The following MALAT1 variants were observed in gnomAD, a reference collection of about 807,000 sequenced individuals.
The protein encoded by MALAT1 is metastasis associated lung adenocarcinoma transcript 1, also known as hepcarcin.
intron 1 of MALAT1, chr11:65,498,618 G>A (rs370639284): frequency 1.9e-6 from 1 of 518,602 alleles, no homozygotes; most frequent in African/African-American, 1.9e-5. Flanking sequence ...CTGCAAGGCT[G>A]GGGCTCAGTT....
In MALAT1 at chr11:65,498,374, G is replaced by A. The variant is rs112733696; in HGVS notation, n.179-308G>A. 1.3e-4 allele frequency: 67 copies of A among 518,406 alleles called. 3 individuals carry two copies. The highest frequency in any genetic ancestry group is 9.2e-4 in the African/African-American group (48 of 52,066). The allele number at this position is 518,406 out of a possible 1,614,324, so 32.1% of individuals were successfully genotyped here. On this transcript the variant is annotated intron_variant and non_coding_transcript_variant, in intron 1 of 3. Coordinates refer to ENST00000619449, the Ensembl canonical transcript of MALAT1. ...ACTGGGGGGCCGCAGATCAGAGTGG[G>A]CCACTGGCAGCCAACGGCCCCCGGG...
intron 3 of MALAT1, chr11:65,504,111 T>G: frequency 1.9e-6 from 1 of 516,688 alleles, no homozygotes; most frequent in Non-Finnish European, 3.9e-6. Context: ...CCTGTGGGGT[T>G]TTAAAGAATT....
intron 3 of MALAT1, chr11:65,504,618 C>T (rs756188371): frequency 4.0e-5 from 21 of 518,722 alleles, no homozygotes; most frequent in Non-Finnish European, 7.7e-5. Flanking sequence ...TTGTTCATTT[C>T]TGGTGGTGGG....
At chr11:65,502,154 A>G (rs1381715692) in exon 3 of MALAT1, 7 of 516,940 alleles carry the variant, frequency 1.4e-5, no homozygotes, top group South Asian at 1.4e-5. Context: ...CCTTCAAAGT[A>G]TAGAGCTTTT....
chr11:65,499,123 C>G, exon 3 of MALAT1: 1 of 517,876 alleles, frequency 1.9e-6, no homozygotes, highest in South Asian at 1.4e-5. Flanking sequence ...AAGTTTTTTT[C>G]TCTTTGAAAG....
At chr11:65,503,561 T>C (rs1243978360) in exon 3 of MALAT1, 1 of 518,080 alleles carries the variant, frequency 1.9e-6, no homozygotes, top group African/African-American at 1.9e-5. Flanking sequence ...AATTTACATG[T>C]TGTGATGTAA....
At chr11:65,501,234 G>C (rs760810700) in exon 3 of MALAT1, 2 of 483,582 alleles carry the variant, frequency 4.1e-6, no homozygotes, top group African/African-American at 4.5e-5. Flanking sequence ...ATTTTTTTTT[G>C]TGGGGGTGGG....
exon 3 of MALAT1, chr11:65,502,728 G>A (rs768561745): frequency 1.4e-5 from 7 of 513,730 alleles, no homozygotes; most frequent in Non-Finnish European, 2.3e-5. Context: ...GAATTGATAA[G>A]TAAAGGCAGA....
chr11:65,504,270 G>A (rs749920359), intron 3 of MALAT1: 31 of 517,644 alleles, frequency 6.0e-5, no homozygotes, highest in African/African-American at 5.8e-4. Flanking sequence ...CTGGAATTTG[G>A]AGGGATGGGA....
intron 1 of MALAT1, chr11:65,498,107 C>T (rs531557326): frequency 1.9e-6 from 1 of 518,908 alleles, no homozygotes; most frequent in Admixed American, 1.9e-5. Context: ...ACAGAATCTG[C>T]AAAACAAAAA....
exon 3 of MALAT1, chr11:65,499,616 G>A (rs554795862): frequency 2.2e-6 from 1 of 448,656 alleles, no homozygotes; most frequent in South Asian, 1.6e-5. Context: ...GATTAATTGG[G>A]AGTGGTAGGA....
At chr11:65,503,120 G>C (rs1013679842) in exon 3 of MALAT1, 2 of 508,402 alleles carry the variant, frequency 3.9e-6, no homozygotes, top group Non-Finnish European at 7.9e-6. Flanking sequence ...GCCTCAGACA[G>C]GTATCTCTTC....
At chr11:65,499,552 T>C in exon 3 of MALAT1, 2 of 457,992 alleles carry the variant, frequency 4.4e-6, no homozygotes, top group Non-Finnish European at 8.7e-6. Context: ...CAGGGAGAAT[T>C]GCGTCATTTA....
At chr11:65,503,338 C>T (rs1565054605) in exon 3 of MALAT1, 1 of 518,796 alleles carries the variant, frequency 1.9e-6, no homozygotes, top group Non-Finnish European at 3.8e-6. Context: ...TCCATCGAGC[C>T]TTTTTAAAAT....
At chr11:65,498,820 C>T in intron 2 of MALAT1, 1 of 518,828 alleles carries the variant, frequency 1.9e-6, no homozygotes, top group Non-Finnish European at 3.8e-6. Context: ...CTAAAGTTTG[C>T]AGCTCAAATC....
chr11:65,504,308 C>CTT (rs36002528), intron 3 of MALAT1: 96 of 465,348 alleles, frequency 2.1e-4, no homozygotes, highest in African/African-American at 3.8e-4. Context: ...CTTGTTGTAG[C>CTT]TTTTTTTTTT....
At chr11:65,504,498 AGCTGAGTGATAAAG>A (rs779243757) in intron 3 of MALAT1, 16 of 518,890 alleles carry the variant, frequency 3.1e-5, no homozygotes, top group East Asian at 5.4e-5. Flanking sequence ...GAAAAAATCC[AGCTGAGTGATAAAG>A]GCTGAGTGTT....
intron 3 of MALAT1, chr11:65,504,254 T>G: frequency 1.9e-6 from 1 of 518,646 alleles, no homozygotes; most frequent in Non-Finnish European, 3.8e-6. Flanking sequence ...ACTCAAAATT[T>G]TTTTCCTGGA....
rs764309521 is a variant in MALAT1, at chr11:65,501,052, A to G, written n.2315A>G. The G allele has an allele frequency of 2.4e-5, 12 of 509,152 alleles. No individual in the cohort carries two copies. In the East Asian group the frequency reaches 3.8e-4, roughly 16 times the overall value. The allele number at this position is 509,152 out of a possible 1,614,324, so 31.5% of individuals were successfully genotyped here. A position where few individuals can be genotyped will look rare whatever the true frequency, so the allele number is the denominator to read the frequency against. On this transcript the variant is annotated non_coding_transcript_exon_variant, in exon 3 of 4. Coordinates refer to ENST00000619449, the Ensembl canonical transcript of MALAT1. Reference sequence around the variant, plus strand: ...ATTTGAGGAAAACCAAATGAATTTGATAGCCAAATTGAGACAATTTCAGCA... The same window carrying G: ...ATTTGAGGAAAACCAAATGAATTTGGTAGCCAAATTGAGACAATTTCAGCA...
Sources: gnomAD v4.1 joint callset for allele counts on GRCh38, gnomAD v4.1.1 for gene constraint, MANE v1.5 for transcripts, NCBI Gene and HGNC (gene_info 2026-07-23, HGNC 2026-07-21) for gene names.